Variants in LINGO2 observed in about 807,000 individuals in gnomAD.
The protein encoded by LINGO2 is leucine-rich repeat and immunoglobulin-like domain-containing nogo receptor-interacting protein 2.
Under a neutral mutation model 30.6 loss-of-function variants are expected in LINGO2, and 14 were observed. That is an observed-to-expected ratio of 0.46 (90% confidence interval 0.30 to 0.72). The LOEUF (loss-of-function observed/expected upper bound fraction) is 0.72, where lower values mean the gene tolerates loss of function less well. Ranked by LOEUF, LINGO2 falls within the 30% of genes least tolerant of loss-of-function variation. The pLI, the probability that LINGO2 is intolerant of heterozygous loss-of-function variation, is 0.07. For synonymous variants in LINGO2, 317 were observed against 288.5 expected (o/e 1.10, Z -1.00); for missense variants, 729 against 751.7 (o/e 0.97, Z 0.35).
chr9:28,038,538 A>G (rs1228684865), intron 4 of LINGO2, among the ~76,000 whole-genome samples: 1 of 152,046 alleles, frequency 6.6e-6, no homozygotes, highest in African/African-American at 2.4e-5. Flanking sequence ...CTAAAAATAC[A>G]AAAAATTAGC....
chr9:28,078,973 A>G lies in LINGO2; in HGVS notation c.-86-66568T>C, dbSNP rs1383087991. 2.0e-5 allele frequency among the ~76,000 whole-genome samples: 3 copies of G among 149,044 alleles called. 1 individual carries two copies. The highest frequency in any genetic ancestry group is 7.8e-5 in the African/African-American group (3 of 38,412). ...GAAAATATGGGTGCAATGCCTTTACAGTTTGATATATACATAACTGGTGGT... is the reference window on the plus strand; with the variant it reads ...GAAAATATGGGTGCAATGCCTTTACGGTTTGATATATACATAACTGGTGGT... On this transcript the variant is annotated intron_variant, in intron 4 of 5. Coordinates refer to ENST00000379992, the Ensembl canonical transcript of LINGO2.
chr9:29,017,271 A>T, the LINGO2 span, among the ~76,000 whole-genome samples: 2 of 152,110 alleles, frequency 1.3e-5, no homozygotes, highest in Non-Finnish European at 2.9e-5. Context: ...ATCCATATAA[A>T]CAATGAAGAT....
chr9:28,784,400 G>C, the LINGO2 span, among the ~76,000 whole-genome samples: 1 of 152,166 alleles, frequency 6.6e-6, no homozygotes, highest in Non-Finnish European at 1.5e-5. Context: ...AAGTCAGTTT[G>C]AGTCCCAGTT....
At position 28,148,978 on chromosome 9, in the gene LINGO2, G is replaced by A. The variant is rs200595328; in HGVS notation, c.-86-136573C>T. ...ACAAAAGAAAACTGTCGGGGCCACC[G>A]CTGCAGCTGCAACCGACCCCTCCCC... is the stretch of plus-strand genomic sequence containing the variant. On this transcript the variant is annotated intron_variant, in intron 4 of 5. Transcript: ENST00000379992. The surrounding 1 kb of genome is among the most constrained non-coding windows in gnomAD (Gnocchi z 5.1). 738 of 1,534,102 alleles carry A rather than the reference G, an allele frequency of 4.8e-4. 2 individuals carry two copies. In the African/African-American group the frequency reaches 8.2e-3, roughly 17 times the overall value.
chr9:29,153,199 A>T, the LINGO2 span, among the ~76,000 whole-genome samples: 4 of 152,026 alleles, frequency 2.6e-5, no homozygotes, highest in African/African-American at 9.7e-5. Flanking sequence ...TTTTTCATTT[A>T]TTTTTAGCTT....
the LINGO2 span, among the ~76,000 whole-genome samples, chr9:28,772,041 C>A: frequency 6.6e-6 from 1 of 152,114 alleles, no homozygotes; most frequent in African/African-American, 2.4e-5. Context: ...TCTGAAGACA[C>A]GTTCAACAAT....
At chr9:28,349,191 A>G (rs1819738263) in intron 3 of LINGO2, among the ~76,000 whole-genome samples, 1 of 152,200 alleles carries the variant, frequency 6.6e-6, no homozygotes, top group African/African-American at 2.4e-5. Context: ...TCAGACGATC[A>G]AATTATTCTG....
At chr9:29,163,952 C>A in the LINGO2 span, among the ~76,000 whole-genome samples, 6 of 152,124 alleles carry the variant, frequency 3.9e-5, no homozygotes, top group African/African-American at 1.4e-4. Flanking sequence ...GACTACCTCA[C>A]CCAACAAAGT....
chr9:29,050,772 G>T, the LINGO2 span, among the ~76,000 whole-genome samples: 2 of 151,942 alleles, frequency 1.3e-5, no homozygotes, highest in Non-Finnish European at 2.9e-5. Flanking sequence ...ACTGAGTACT[G>T]GTGACAATAG....
Position 28,130,581 on chromosome 9 carries a change from C to A in LINGO2, c.-86-118176G>T, listed in dbSNP as rs1827353315. 6.6e-6 allele frequency among the ~76,000 whole-genome samples: 1 copy of A among 152,216 alleles called. No homozygotes were observed. Among genetic ancestry groups the A allele is most frequent in the East Asian group, 1.9e-4 (1 of 5,172 alleles). On this transcript the variant is annotated intron_variant, in intron 4 of 5. Transcript: ENST00000379992. This position sits in a 1 kb window ranked among gnomAD's most constrained non-coding sequence, Gnocchi z 5.2. ...TTACAATATAGCTGGAGAAACAGAA[C>A]ACCTACATGTAAAGATATAACCAAT...
At chr9:28,139,465 T>C (rs1049803872) in intron 4 of LINGO2, among the ~76,000 whole-genome samples, 2 of 152,232 alleles carry the variant, frequency 1.3e-5, no homozygotes, top group Non-Finnish European at 2.9e-5. Context: ...GTATATCAGC[T>C]ACATTCCTGG....
rs368342587 is a variant in LINGO2, at chr9:28,566,875, G to T, written c.-364-90850C>A. ...TCTAAAATATTTTTGATAGCTCGTT[G>T]TTGCCAACACTTAAAACAAAAAGTT... On this transcript the variant is annotated intron_variant, in intron 1 of 5. Transcript: ENST00000379992. 7.9e-5 allele frequency among the ~76,000 whole-genome samples: 12 copies of T among 152,120 alleles called. No individual in the cohort carries two copies. The East Asian group carries it at 9.6e-4, about 12-fold the overall frequency.
rs369702228 is a variant in LINGO2 at position 28,399,899 on chromosome 9, A to G, written c.-278-27031T>C. Among the ~76,000 whole-genome samples, 7 of 152,362 alleles carry G rather than the reference A, an allele frequency of 4.6e-5. No homozygotes were observed. In the South Asian group the frequency reaches 1.5e-3, roughly 32 times the overall value. ...TACCTATTTTGAACATATTGAAGGC[A>G]TCTGTTGAAGAATCAATATAAATAA... On this transcript the variant is annotated intron_variant, in intron 2 of 5. Coordinates refer to ENST00000379992, the Ensembl canonical transcript of LINGO2.
chr9:28,032,942 G>T (rs1282740695), intron 4 of LINGO2, among the ~76,000 whole-genome samples: 2 of 152,178 alleles, frequency 1.3e-5, no homozygotes, highest in Non-Finnish European at 2.9e-5. Context: ...AGTTTTAGGA[G>T]ACAGCATCCC....
the LINGO2 span, among the ~76,000 whole-genome samples, chr9:29,185,029 C>A: frequency 6.6e-6 from 1 of 152,126 alleles, no homozygotes; most frequent in Non-Finnish European, 1.5e-5. Flanking sequence ...ATAGACTCTC[C>A]AGGTTCAGCT....
intron 2 of LINGO2, among the ~76,000 whole-genome samples, chr9:28,381,220 A>AAAAC (rs554275255): frequency 5.9e-5 from 9 of 152,084 alleles, no homozygotes; most frequent in Non-Finnish European, 7.4e-5. Flanking sequence ...CAAAAAAACA[A>AAAAC]AAACAAACAA....
chr9:27,973,434 A>G (rs568925088), intron 5 of LINGO2, among the ~76,000 whole-genome samples: 2 of 152,302 alleles, frequency 1.3e-5, no homozygotes, highest in South Asian at 4.1e-4. Flanking sequence ...TTCCAATAGA[A>G]GAGTGTAGAA....
the LINGO2 span, among the ~76,000 whole-genome samples, chr9:28,973,394 T>G: frequency 3.9e-5 from 6 of 152,148 alleles, no homozygotes; most frequent in African/African-American, 4.8e-5. Flanking sequence ...TTTGGCTGTG[T>G]CCCCACCCAA....
At chr9:28,217,572 CTTA>C (rs1820812950) in intron 4 of LINGO2, among the ~76,000 whole-genome samples, 1 of 151,930 alleles carries the variant, frequency 6.6e-6, no homozygotes, top group African/African-American at 2.4e-5. Context: ...TCTTGGAAGT[CTTA>C]TTTTTTTCTG....
Sources: allele counts gnomAD v4.1 joint callset (sites outside exome capture counted in the v4.1 genomes callset), GRCh38; gene constraint gnomAD v4.1.1; non-coding constraint Gnocchi (gnomAD v3.1); transcripts MANE v1.5; gene names NCBI Gene and HGNC (gene_info 2026-07-23, HGNC 2026-07-21).